Variants in GALNT13 observed in about 807,000 individuals in gnomAD.
The protein encoded by GALNT13 is UDP-GalNAc:polypeptide N-acetylgalactosaminyltransferase 13.
In GALNT13, 28 loss-of-function variants were observed where a neutral mutation model predicts 64.2. The ratio of observed to expected loss-of-function variants is 0.44; its 90% confidence interval spans 0.32 to 0.60. The LOEUF is 0.60. Ranked by LOEUF, GALNT13 falls within the 20% of genes least tolerant of loss-of-function variation. The pLI is 0.05. For synonymous variants in GALNT13, 214 were observed against 224.6 expected (o/e 0.95, Z 0.42); for missense variants, 577 against 669.8 (o/e 0.86, Z 1.53).
the GALNT13 span, among the ~76,000 whole-genome samples, chr2:153,128,362 C>T: frequency 2.0e-5 from 3 of 152,110 alleles, no homozygotes; most frequent in African/African-American, 7.2e-5. Flanking sequence ...AGAGCTTGTG[C>T]AGGTAAACTC....
At chr2:153,710,895 T>G in the GALNT13 span, among the ~76,000 whole-genome samples, 1 of 152,080 alleles carries the variant, frequency 6.6e-6, no homozygotes, top group African/African-American at 2.4e-5. Context: ...ACAAAAGCAA[T>G]GTATAACACA....
intron 9 of GALNT13, among the ~76,000 whole-genome samples, chr2:154,393,939 G>A (rs1286316730): frequency 1.3e-5 from 2 of 149,454 alleles, no homozygotes; most frequent in African/African-American, 2.5e-5. Context: ...TTAGCCGGGC[G>A]TAGTGGCGGG....
At chr2:153,968,163 A>G (rs1380985763) in intron 3 of GALNT13, among the ~76,000 whole-genome samples, 1 of 152,158 alleles carries the variant, frequency 6.6e-6, no homozygotes, top group Non-Finnish European at 1.5e-5. Flanking sequence ...CAAGGACTGC[A>G]GTCACTGTGG....
chr2:153,671,575 C>T, the GALNT13 span, among the ~76,000 whole-genome samples: 826 of 152,296 alleles, frequency 5.4e-3, 9 homozygotes, highest in African/African-American at 0.019. Context: ...AAGGAACAAC[C>T]GGTACTAGCC....
chr2:154,081,781 T>C (rs1013291813), intron 3 of GALNT13, among the ~76,000 whole-genome samples: 6 of 151,732 alleles, frequency 4.0e-5, no homozygotes, highest in African/African-American at 1.4e-4. Flanking sequence ...ATTTATGCTT[T>C]GATAATATGT....
chr2:153,121,734 A>G, the GALNT13 span, among the ~76,000 whole-genome samples: 2 of 152,086 alleles, frequency 1.3e-5, no homozygotes, highest in African/African-American at 4.8e-5. Flanking sequence ...GGGTTTCACC[A>G]TGTTGGCCAG....
chr2:154,386,268 G>C (rs1177801949), intron 9 of GALNT13, among the ~76,000 whole-genome samples: 3 of 151,870 alleles, frequency 2.0e-5, no homozygotes, highest in African/African-American at 7.3e-5. Context: ...TATAGCAGGG[G>C]AAAAAAATGT....
In GALNT13 at chr2:154,073,617, A is replaced by G. The variant is rs1465273578; in HGVS notation, c.143-66720A>G. ...GTATTTTCCAAATGACTAATGCAGA[A>G]TGTTACAAAATCATGAAGAAATTTA... On this transcript the variant is annotated intron_variant, in intron 3 of 12. Transcript: ENST00000392825. Among the ~76,000 whole-genome samples, 4 of 152,088 alleles carry G rather than the reference A, an allele frequency of 2.6e-5. No homozygotes were observed. The East Asian group carries it at 7.7e-4, about 29-fold the overall frequency.
chr2:154,004,833 A>G (rs527700801), intron 3 of GALNT13, among the ~76,000 whole-genome samples: 13 of 152,202 alleles, frequency 8.5e-5, no homozygotes, highest in Admixed American at 6.5e-4. Flanking sequence ...ACACAATGCT[A>G]AACAAACAAA....
the GALNT13 span, among the ~76,000 whole-genome samples, chr2:153,768,718 T>C: frequency 2.0e-5 from 3 of 151,966 alleles, no homozygotes; most frequent in Non-Finnish European, 4.4e-5. Flanking sequence ...TACAAAAAAT[T>C]AGTTAGGCAT....
At chr2:153,115,961 A>G in the GALNT13 span, among the ~76,000 whole-genome samples, 4 of 152,132 alleles carry the variant, frequency 2.6e-5, no homozygotes, top group Non-Finnish European at 5.9e-5. Context: ...TTTTAATGAA[A>G]AATTGGCCAG....
the GALNT13 span, among the ~76,000 whole-genome samples, chr2:153,659,801 T>G: frequency 3.9e-5 from 6 of 152,046 alleles, no homozygotes; most frequent in Admixed American, 1.3e-4. Context: ...AAAAATAAAT[T>G]TTTTAAAAGA....
chr2:154,238,879 A>G (rs1689332637), intron 4 of GALNT13, among the ~76,000 whole-genome samples: 1 of 152,034 alleles, frequency 6.6e-6, no homozygotes, highest in Admixed American at 6.6e-5. Context: ...GTATATTTTA[A>G]CTACAGTATA....
At chr2:153,936,783 T>A (rs748781347) in intron 2 of GALNT13, among the ~76,000 whole-genome samples, 29 of 151,998 alleles carry the variant, frequency 1.9e-4, no homozygotes, top group Non-Finnish European at 3.2e-4. Context: ...TGCAGTGGCA[T>A]GATCTTGGCT....
At chr2:153,345,722 C>T in the GALNT13 span, among the ~76,000 whole-genome samples, 5,598 of 52,960 alleles carry the variant, frequency 0.11, 391 homozygotes, top group African/African-American at 0.14. Context: ...TCTTTCTGTC[C>T]TTCCTTCCTT....
At chr2:153,836,097 C>A in the GALNT13 span, among the ~76,000 whole-genome samples, 1 of 151,886 alleles carries the variant, frequency 6.6e-6, no homozygotes, top group Non-Finnish European at 1.5e-5. Flanking sequence ...GGCAAATTAC[C>A]TAAATATATC....
the GALNT13 span, among the ~76,000 whole-genome samples, chr2:153,259,487 C>T: frequency 5.9e-5 from 9 of 151,928 alleles, no homozygotes; most frequent in Admixed American, 1.3e-4. Context: ...GTGTCCCCAC[C>T]GAAATCTCAT....
the GALNT13 span, among the ~76,000 whole-genome samples, chr2:153,543,586 A>G: frequency 6.6e-6 from 1 of 152,232 alleles, no homozygotes; most frequent in Non-Finnish European, 1.5e-5. Context: ...AAAGTTTCTC[A>G]GAAGAGGTGG....
At chr2:154,433,750 C>CAAAAAA (rs5835516) in intron 11 of GALNT13, among the ~76,000 whole-genome samples, 1 of 144,532 alleles carries the variant, frequency 6.9e-6, no homozygotes, top group African/African-American at 2.5e-5. Context: ...ACAGGTTAGC[C>CAAAAAA]AAAAAAAAAA....
Sources: gnomAD v4.1 joint callset for allele counts (sites outside exome capture counted in the v4.1 genomes callset) on GRCh38, gnomAD v4.1.1 for gene constraint, MANE v1.5 for transcripts, NCBI Gene and HGNC (gene_info 2026-07-23, HGNC 2026-07-21) for gene names.